Variants in TTLL9 observed in about 807,000 individuals in gnomAD.
TTLL9 encodes probable tubulin polyglutamylase TTLL9.
Under a neutral mutation model 65.6 loss-of-function variants are expected in TTLL9, and 47 were observed. That is an observed-to-expected ratio of 0.72 (90% confidence interval 0.57 to 0.91). The LOEUF (loss-of-function observed/expected upper bound fraction) is 0.91, where lower values mean the gene tolerates loss of function less well. Among genes scored for constraint, TTLL9 ranks in the 40% least tolerant of loss-of-function variants. The pLI is 0.00. For missense variants in TTLL9, 537 were observed against 568.8 expected (o/e 0.94, Z 0.57); for synonymous variants, 179 against 204.8 (o/e 0.87, Z 1.07).
intron 6 of TTLL9, among the ~76,000 whole-genome samples, chr20:31,914,058 G>A (rs1303196889): frequency 1.3e-5 from 2 of 152,168 alleles, no homozygotes; most frequent in Non-Finnish European, 2.9e-5. Context: ...CTTCACACAC[G>A]GCAGCGAGCG....
At chr20:31,904,349 T>TA (rs2063519367) in intron 4 of TTLL9, among the ~76,000 whole-genome samples, 4 of 142,412 alleles carry the variant, frequency 2.8e-5, no homozygotes, top group Non-Finnish European at 4.6e-5. Flanking sequence ...TTTTGATAAT[T>TA]CTTTTTTTTT....
intron 2 of TTLL9, among the ~76,000 whole-genome samples, chr20:31,876,645 TC>T (rs2063042078): frequency 6.6e-6 from 1 of 152,164 alleles, no homozygotes; most frequent in Non-Finnish European, 1.5e-5. Flanking sequence ...TGAAAGGTAT[TC>T]CATGGAGATG....
At chr20:31,906,403 G>T (rs2063560450) in intron 4 of TTLL9, among the ~76,000 whole-genome samples, 1 of 152,206 alleles carries the variant, frequency 6.6e-6, no homozygotes. Flanking sequence ...TCTCCTTGCG[G>T]CCTCACGGCC....
At chr20:31,933,894 C>T in intron 11 of TTLL9, 36 bp downstream of exon 11, 1 of 1,595,874 alleles carries the variant, frequency 6.3e-7, no homozygotes, top group Non-Finnish European at 8.5e-7. Flanking sequence ...ACGGGTACAG[C>T]CCTCTGGCGC....
Position 31,944,014 on chromosome 20 carries a change from C to G in TTLL9, c.*993C>G. The G allele has an allele frequency of 8.6e-6, 3 of 350,278 alleles. No homozygotes were observed. The highest frequency in any genetic ancestry group is 1.7e-5 in the Non-Finnish European group (3 of 175,468). 21.7% of individuals were successfully genotyped at this position (350,278 alleles called of 1,614,324 possible). A position where few individuals can be genotyped will look rare whatever the true frequency, so the allele number is the denominator to read the frequency against. On this transcript the variant is annotated 3_prime_UTR_variant, in exon 15 of 15. Transcript: ENST00000535842. ...TTTCTCTGGCTGCAAATGGTTGAAT[C>G]TGCCTGCCTAGGTCAAGCCCGAAGG...
In TTLL9 at chr20:31,887,372, C is replaced by A. The variant is rs1214859879; in HGVS notation, c.113+133C>A. 6 of 1,040,030 alleles carry A rather than the reference C, an allele frequency of 5.8e-6. No individual in the cohort carries two copies. In the East Asian group the frequency reaches 1.3e-4, roughly 22 times the overall value. 64.4% of individuals were successfully genotyped at this position (1,040,030 alleles called of 1,614,324 possible). On this transcript the variant is annotated intron_variant, in intron 3 of 14. Transcript: ENST00000535842. ...TGATAGTAGAAGGAGTAATGCTAAA[C>A]CATTATTGAGCACTTACCATGTGCC... is the stretch of plus-strand genomic sequence containing the variant.
Position 31,871,132 on chromosome 20 carries a change from G to A in TTLL9, c.6G>A (p.Val2=), listed in dbSNP as rs577013617. The part of the protein sequence containing the change: M[V]PSREALLGPG... ...CATTTCGGCCCCTAGGAGGGATGGTGCCATCCAGGGAAGCTCTGCTGGGAC... is the reference window on the plus strand; with the variant it reads ...CATTTCGGCCCCTAGGAGGGATGGTACCATCCAGGGAAGCTCTGCTGGGAC... Residue 2 remains valine (V), a synonymous_variant, in exon 2 of 15, where the codon GTG becomes GTA. Transcript: ENST00000535842. The A allele has an allele frequency of 1.1e-5, 17 of 1,614,014 alleles. No individual in the cohort carries two copies. The African/African-American group carries it at 2.3e-4, about 22-fold the overall frequency.
intron 2 of TTLL9, among the ~76,000 whole-genome samples, chr20:31,880,933 G>C (rs567819832): frequency 2.8e-5 from 4 of 143,504 alleles, no homozygotes; most frequent in East Asian, 2.0e-4. Context: ...TGGCTCAGTC[G>C]ACTTCCTGGA....
chr20:31,898,670 C>A, intron 4 of TTLL9, 105 bp downstream of exon 4: 1 of 890,874 alleles, frequency 1.1e-6, no homozygotes, highest in East Asian at 2.5e-5. Context: ...GGGACTTGTC[C>A]CAAAGTGGCT....
rs764665060 is a variant in TTLL9, at chr20:31,925,988, C to T, written c.706-61C>T. 3 of 1,605,996 alleles carry T rather than the reference C, an allele frequency of 1.9e-6. No individual in the cohort carries two copies. The African/African-American group carries it at 4.0e-5, about 21-fold the overall frequency. ...ATCCTGGGATCCTGGCTAACCACCC[C>T]CGACACACCTACCCCTTCCCACACT... On this transcript the variant is annotated intron_variant, in intron 9 of 14. Transcript: ENST00000535842.
At chr20:31,898,318 G>A (rs1173682653) in intron 3 of TTLL9, among the ~76,000 whole-genome samples, 155 bp from the exon 4 acceptor site, 2 of 152,180 alleles carry the variant, frequency 1.3e-5, no homozygotes, top group Non-Finnish European at 2.9e-5. Flanking sequence ...ATCTGATTAT[G>A]TTAAGTGTTA....
intron 2 of TTLL9, chr20:31,873,103 A>G: frequency 2.1e-6 from 1 of 484,294 alleles, no homozygotes; most frequent in Non-Finnish European, 4.1e-6. Context: ...AAGGGGATGG[A>G]CTCAGCATAT....
At chr20:31,923,797 G>C (rs1030778007) in intron 8 of TTLL9, among the ~76,000 whole-genome samples, 3 of 151,904 alleles carry the variant, frequency 2.0e-5, no homozygotes, top group Non-Finnish European at 2.9e-5. Flanking sequence ...CCTTCCCCAG[G>C]GGGCAGCCCC....
At chr20:31,897,921 G>A (rs376083234) in intron 3 of TTLL9, among the ~76,000 whole-genome samples, 3 of 152,232 alleles carry the variant, frequency 2.0e-5, no homozygotes, top group South Asian at 4.1e-4. Context: ...AGCTTTTGTC[G>A]TCTATGCCCA....
intron 4 of TTLL9, among the ~76,000 whole-genome samples, chr20:31,907,125 C>T (rs2063570026): frequency 6.6e-6 from 1 of 152,166 alleles, no homozygotes; most frequent in Non-Finnish European, 1.5e-5. Context: ...GTTCTAACCA[C>T]AGAGCTTGGA....
At chr20:31,906,721 C>T (rs1382213525) in intron 4 of TTLL9, among the ~76,000 whole-genome samples, 3 of 152,040 alleles carry the variant, frequency 2.0e-5, no homozygotes, top group Non-Finnish European at 4.4e-5. Context: ...ATGATCTTGG[C>T]TCACCACAAC....
chr20:31,875,951 CTG>C (rs1327105337), intron 2 of TTLL9, among the ~76,000 whole-genome samples: 1 of 152,148 alleles, frequency 6.6e-6, no homozygotes, highest in African/African-American at 2.4e-5. Flanking sequence ...TCTTTTGAGT[CTG>C]TGTTTTTAAA....
chr20:31,901,974 C>G (rs1306127703), intron 4 of TTLL9, among the ~76,000 whole-genome samples: 1 of 152,132 alleles, frequency 6.6e-6, no homozygotes, highest in Non-Finnish European at 1.5e-5. Context: ...GTCTCTGACA[C>G]AGAGATAACC....
chr20:31,873,882 AAG>A (rs1236459936), intron 2 of TTLL9, among the ~76,000 whole-genome samples: 9 of 146,698 alleles, frequency 6.1e-5, no homozygotes, highest in Admixed American at 4.8e-4. Context: ...GAAAGAAAGA[AAG>A]AGAAAGAAAA....
Sources: allele counts gnomAD v4.1 joint callset (sites outside exome capture counted in the v4.1 genomes callset), GRCh38; gene constraint gnomAD v4.1.1; transcripts MANE v1.5; gene names NCBI Gene and HGNC (gene_info 2026-07-23, HGNC 2026-07-21).